The following ADAM22 variants were observed in gnomAD, a reference collection of about 807,000 sequenced individuals.
ADAM22 encodes the protein ADAM metallopeptidase domain 22.
Under a neutral mutation model 144.6 loss-of-function variants are expected in ADAM22, and 65 were observed. The ratio of observed to expected loss-of-function variants is 0.45; its 90% CI spans 0.37 to 0.55. The LOEUF is 0.55. Among genes scored for constraint, ADAM22 ranks in the 20% least tolerant of loss-of-function variants. The probability of loss-of-function intolerance (pLI) is 0.00; values close to 1 mark genes in which losing one functional copy is unlikely to be tolerated. For synonymous variants in ADAM22, 391 were observed against 412.6 expected (o/e 0.95, Z 0.63); for missense variants, 974 against 1,184.9 (o/e 0.82, Z 2.61).
intron 3 of ADAM22, among the ~76,000 whole-genome samples, chr7:88,013,085 A>G (rs1311631322): frequency 6.6e-6 from 1 of 152,200 alleles, no homozygotes; most frequent in African/African-American, 2.4e-5. Flanking sequence ...GAATCCCCAG[A>G]TGTCTCTCAT....
chr7:87,973,333 A>G (rs572099634), intron 2 of ADAM22, among the ~76,000 whole-genome samples: 2 of 152,372 alleles, frequency 1.3e-5, no homozygotes, highest in South Asian at 4.1e-4. Context: ...AAACACATGG[A>G]GAAGTGCTCA....
At chr7:88,099,950 A>G (rs1312793657) in intron 4 of ADAM22, among the ~76,000 whole-genome samples, 2 of 152,210 alleles carry the variant, frequency 1.3e-5, no homozygotes, top group Non-Finnish European at 2.9e-5. Context: ...CACTAATGCA[A>G]TATGGCACTA....
intron 7 of ADAM22, among the ~76,000 whole-genome samples, chr7:88,121,364 G>A (rs991849778): frequency 2.2e-4 from 33 of 152,116 alleles, no homozygotes; most frequent in African/African-American, 8.0e-4. Context: ...TTCTTTCAGT[G>A]TTTGGTCATT....
At chr7:88,069,796 T>G (rs1358541742) in intron 3 of ADAM22, among the ~76,000 whole-genome samples, 1 of 152,172 alleles carries the variant, frequency 6.6e-6, no homozygotes, top group African/African-American at 2.4e-5. Context: ...GCAGGATGAC[T>G]GCAGTAGATA....
intron 3 of ADAM22, among the ~76,000 whole-genome samples, chr7:88,064,426 T>C (rs1359320016): frequency 2.6e-5 from 4 of 152,206 alleles, no homozygotes; most frequent in African/African-American, 9.7e-5. Flanking sequence ...CTCATCTATA[T>C]GGAGATACTA....
intron 22 of ADAM22, among the ~76,000 whole-genome samples, chr7:88,156,952 A>G (rs980772358): frequency 3.3e-5 from 5 of 152,264 alleles, no homozygotes; most frequent in East Asian, 3.9e-4. Context: ...TGAAGGGGAA[A>G]AAAACAAAAC....
chr7:88,138,230 T>A (rs1320149582), intron 14 of ADAM22, among the ~76,000 whole-genome samples: 5 of 152,176 alleles, frequency 3.3e-5, no homozygotes, highest in Non-Finnish European at 7.4e-5. Context: ...ATGATAAAAG[T>A]TCTATAGTTG....
At position 87,934,542 on chromosome 7, in the gene ADAM22, G is replaced by T. The variant is rs532748835; in HGVS notation, c.77G>T (p.Gly26Val). 89 of 1,607,632 alleles carry T rather than the reference G, an allele frequency of 5.5e-5. No homozygotes were observed. Among genetic ancestry groups the T allele is most frequent in the Admixed American group, 1.0e-4 (6 of 59,892 alleles). ...VLGTCPPARC[G>V]QAGDASLMEL... ...GGGACCTGCCCTCCGGCGCGCTGCG[G>T]CCAGGCAGGTAAGTTAGCCGTCCTC... The change falls in exon 1 of 32, where the codon GGC becomes GTC. Residue 26 changes from glycine (G) to valine (V), a missense_variant. Gly to Val is a moderately radical substitution (Grantham distance 109, BLOSUM62 -3). This residue lies in a region of ADAM22 where 240 missense variants were observed against 234.3 expected (regional missense o/e 1.02). Coordinates refer to ENST00000413139, the MANE Select transcript of ADAM22 (RefSeq NM_001324418.2).
At chr7:88,039,033 A>G (rs181500917) in intron 3 of ADAM22, among the ~76,000 whole-genome samples, 19 of 152,210 alleles carry the variant, frequency 1.2e-4, no homozygotes, top group African/African-American at 4.3e-4. Context: ...CTCCTGTCTT[A>G]GCCTCATAAT....
intron 4 of ADAM22, among the ~76,000 whole-genome samples, chr7:88,097,394 C>T (rs954879685): frequency 4.0e-5 from 6 of 151,780 alleles, no homozygotes; most frequent in African/African-American, 9.7e-5. Flanking sequence ...GCGACCCACC[C>T]GCCTCAGTCT....
In ADAM22 at chr7:88,136,044, T is replaced by C. The variant is rs1414852952; in HGVS notation, c.1220+13T>C. 2.5e-6 allele frequency: 4 copies of C among 1,610,698 alleles called. No homozygotes were observed. The highest frequency in any genetic ancestry group is 1.7e-4 in the Middle Eastern group (1 of 6,060). On this transcript the variant is annotated intron_variant, in intron 14 of 31. Transcript: ENST00000413139. Reference sequence around the variant, plus strand: ...TGGGAGACACTGGGTGAGCCACTTGTATTTGAAAATAACTCAGTCTTACAT... The same window carrying C: ...TGGGAGACACTGGGTGAGCCACTTGCATTTGAAAATAACTCAGTCTTACAT...
At chr7:88,134,194 A>ACAGTGTGTT (rs1832485053) in intron 12 of ADAM22, 135 bp from the exon 13 acceptor site, 7 of 597,904 alleles carry the variant, frequency 1.2e-5, no homozygotes, top group Non-Finnish European at 2.0e-5. Flanking sequence ...AGTGCTGGCT[A>ACAGTGTGTT]CAGTGTGTTC....
At chr7:88,057,638 C>T (rs1808640113) in intron 3 of ADAM22, among the ~76,000 whole-genome samples, 1 of 152,128 alleles carries the variant, frequency 6.6e-6, no homozygotes, top group African/African-American at 2.4e-5. Context: ...ATTGTGAAAA[C>T]ACAAAGACAT....
intron 4 of ADAM22, among the ~76,000 whole-genome samples, chr7:88,098,584 T>A (rs568725408): frequency 6.6e-6 from 1 of 152,156 alleles, no homozygotes; most frequent in South Asian, 2.1e-4. Context: ...GGTATAGACA[T>A]AGAGACACAG....
chr7:87,934,391 A>T lies in ADAM22; in HGVS notation c.-75A>T. 6.9e-7 allele frequency: 1 copy of T among 1,450,544 alleles called. No homozygotes were observed. The highest frequency in any genetic ancestry group is 9.3e-7 in the Non-Finnish European group (1 of 1,077,390). The allele number at this position is 1,450,544 out of a possible 1,614,324, so 89.9% of individuals were successfully genotyped here. A position where few individuals can be genotyped will look rare whatever the true frequency, so the allele number is the denominator to read the frequency against. ...GGCCGCGGGGACCCCGGGGGCGCGG[A>T]GCGAGGGAAACGGACTCGGCGGCGC... On this transcript the variant is annotated 5_prime_UTR_variant, in exon 1 of 32. Transcript: ENST00000413139.
At chr7:87,977,662 A>G (rs571678478) in intron 2 of ADAM22, among the ~76,000 whole-genome samples, 171 of 152,272 alleles carry the variant, frequency 1.1e-3, no homozygotes, top group African/African-American at 3.8e-3. Flanking sequence ...GTGCTATGGG[A>G]AACACTATAT....
intron 3 of ADAM22, among the ~76,000 whole-genome samples, chr7:88,062,547 T>C (rs557177676): frequency 6.6e-6 from 1 of 152,240 alleles, no homozygotes; most frequent in African/African-American, 2.4e-5. Context: ...ACTTTCTTCA[T>C]ATCAGCAATA....
intron 26 of ADAM22, among the ~76,000 whole-genome samples, chr7:88,176,028 A>G (rs761322084): frequency 6.6e-6 from 1 of 152,160 alleles, no homozygotes; most frequent in African/African-American, 2.4e-5. Flanking sequence ...GCTGGAGTGC[A>G]GTGGCGCGAT....
intron 2 of ADAM22, among the ~76,000 whole-genome samples, chr7:87,951,861 C>T (rs1233378589): frequency 2.9e-5 from 4 of 138,078 alleles, no homozygotes; most frequent in African/African-American, 1.1e-4. Flanking sequence ...CTTCACATCC[C>T]TTGTAAGTTG....
Sources: gnomAD v4.1 joint callset for allele counts (sites outside exome capture counted in the v4.1 genomes callset) on GRCh38, gnomAD v4.1.1 for gene constraint, gnomAD v4.1.1 regional missense constraint, MANE v1.5 for transcripts, NCBI Gene and HGNC (gene_info 2026-07-23, HGNC 2026-07-21) for gene names.